Variants in DPP6 observed in about 807,000 individuals in gnomAD.
DPP6 encodes A-type potassium channel modulatory protein DPP6.
Under a neutral mutation model 122.6 loss-of-function variants are expected in DPP6, and 69 were observed. The observed-to-expected ratio is 0.56, with a 90% CI of 0.46 to 0.69. The LOEUF is 0.69. Among genes scored for constraint, DPP6 ranks in the 30% least tolerant of loss-of-function variants. The pLI, the probability that DPP6 is intolerant of heterozygous loss-of-function variation, is 0.00. For synonymous variants in DPP6, 418 were observed against 433.1 expected (o/e 0.97, Z 0.43); for missense variants, 928 against 1,116.9 (o/e 0.83, Z 2.41).
intron 1 of DPP6, among the ~76,000 whole-genome samples, chr7:153,929,233 A>C (rs573124190): frequency 4.4e-4 from 67 of 152,268 alleles, no homozygotes; most frequent in Non-Finnish European, 7.8e-4. Context: ...GTTCCTGCAC[A>C]CTAGGGAGGT....
chr7:153,952,353 G>A (rs1050648829), intron 1 of DPP6, among the ~76,000 whole-genome samples: 1 of 152,164 alleles, frequency 6.6e-6, no homozygotes, highest in Non-Finnish European at 1.5e-5. Context: ...TTAAACTAAG[G>A]CCAGAAAGAT....
the DPP6 span, among the ~76,000 whole-genome samples, chr7:153,790,534 A>G: frequency 2.6e-5 from 4 of 152,202 alleles, no homozygotes; most frequent in Non-Finnish European, 2.9e-5. Context: ...AAGACTTCAT[A>G]AGGTTTGCTG....
At chr7:154,599,397 G>T (rs772775428) in intron 5 of DPP6, among the ~76,000 whole-genome samples, 1 of 152,080 alleles carries the variant, frequency 6.6e-6, no homozygotes, top group Non-Finnish European at 1.5e-5. Flanking sequence ...TTTTTATATG[G>T]AGAAAACGTG....
chr7:154,211,048 C>T (rs905299239), intron 1 of DPP6, among the ~76,000 whole-genome samples: 1 of 152,182 alleles, frequency 6.6e-6, no homozygotes, highest in Non-Finnish European at 1.5e-5. Context: ...TGGATCCATC[C>T]AGCTGGCACA....
chr7:153,851,900 A>G, the DPP6 span, among the ~76,000 whole-genome samples: 99 of 152,332 alleles, frequency 6.5e-4, 2 homozygotes, highest in African/African-American at 2.2e-3. Flanking sequence ...TTTTACGTAT[A>G]TCAAATGGTA....
At chr7:154,736,615 A>T (rs766944311) in intron 8 of DPP6, among the ~76,000 whole-genome samples, 2 of 152,220 alleles carry the variant, frequency 1.3e-5, no homozygotes, top group African/African-American at 2.4e-5. Context: ...GGCTACTGAC[A>T]TCATGTCTGA....
At chr7:154,544,912 C>A (rs954471592) in intron 4 of DPP6, among the ~76,000 whole-genome samples, 1 of 152,128 alleles carries the variant, frequency 6.6e-6, no homozygotes, top group East Asian at 1.9e-4. Context: ...AGGATGCTGC[C>A]GCATGTGGGC....
intron 1 of DPP6, among the ~76,000 whole-genome samples, chr7:154,150,113 C>T (rs868377832): frequency 1.5e-4 from 23 of 152,178 alleles, no homozygotes; most frequent in Admixed American, 9.8e-4. Context: ...TATGATGTCA[C>T]CTTCACGAGG....
chr7:153,946,976 T>C (rs1376754744), intron 1 of DPP6, among the ~76,000 whole-genome samples: 4 of 152,124 alleles, frequency 2.6e-5, no homozygotes, highest in Non-Finnish European at 5.9e-5. Context: ...TGGCTAACGC[T>C]GCCATAAGCT....
the DPP6 span, among the ~76,000 whole-genome samples, chr7:153,824,044 C>T: frequency 2.0e-5 from 3 of 152,188 alleles, no homozygotes; most frequent in African/African-American, 7.2e-5. Flanking sequence ...GTACCATTGG[C>T]CAATCTCTGG....
chr7:154,323,049 C>G (rs1808113694), intron 1 of DPP6, among the ~76,000 whole-genome samples: 1 of 151,558 alleles, frequency 6.6e-6, no homozygotes. Context: ...AGAGAGTGAG[C>G]TCATTAGCCC....
intron 5 of DPP6, among the ~76,000 whole-genome samples, chr7:154,567,130 A>C (rs1057369699): frequency 1.3e-5 from 2 of 152,194 alleles, no homozygotes; most frequent in African/African-American, 4.8e-5. Context: ...CATACTTTAG[A>C]GGCTCTTTCA....
At chr7:154,127,631 A>ACACG (rs1490857492) in intron 1 of DPP6, among the ~76,000 whole-genome samples, 2 of 103,702 alleles carry the variant, frequency 1.9e-5, no homozygotes, top group African/African-American at 9.2e-5. Flanking sequence ...ACACACACAC[A>ACACG]CAGACACACA....
At chr7:154,137,658 T>TGGGGGGGGGGGGGGG (rs1163077821) in intron 1 of DPP6, among the ~76,000 whole-genome samples, 1 of 48,384 alleles carries the variant, frequency 2.1e-5, no homozygotes, top group Non-Finnish European at 4.2e-5. Context: ...GGTGGGGGGG[T>TGGGGGGGGGGGGGGG]GGGGGGGGTG....
intron 5 of DPP6, among the ~76,000 whole-genome samples, chr7:154,623,288 A>G (rs1309411434): frequency 1.3e-5 from 2 of 151,996 alleles, no homozygotes; most frequent in Non-Finnish European, 2.9e-5. Flanking sequence ...ATGCCCAGGG[A>G]ATATTTCTCT....
chr7:154,008,956 C>T (rs1368674028), intron 1 of DPP6, among the ~76,000 whole-genome samples: 3 of 147,206 alleles, frequency 2.0e-5, no homozygotes, highest in Non-Finnish European at 3.0e-5. Context: ...TGAGCCACCG[C>T]GCCCGGCCAG....
At chr7:154,591,318 C>A (rs1238276058) in intron 5 of DPP6, among the ~76,000 whole-genome samples, 1 of 152,206 alleles carries the variant, frequency 6.6e-6, no homozygotes, top group Non-Finnish European at 1.5e-5. Context: ...GGAGTCAAAT[C>A]ATGGGTCTAG....
At chr7:154,106,482 T>C (rs1027972045) in intron 1 of DPP6, among the ~76,000 whole-genome samples, 2 of 132,428 alleles carry the variant, frequency 1.5e-5, no homozygotes, top group African/African-American at 2.9e-5. Context: ...GTCCCTGCAC[T>C]GGGCTGCGTG....
intron 1 of DPP6, among the ~76,000 whole-genome samples, chr7:154,292,128 A>G (rs553690213): frequency 1.3e-5 from 2 of 152,316 alleles, no homozygotes; most frequent in East Asian, 1.9e-4. Context: ...AACCAGGTCA[A>G]TATAGAGATA....
Sources: allele counts gnomAD v4.1 joint callset (sites outside exome capture counted in the v4.1 genomes callset), GRCh38; gene constraint gnomAD v4.1.1; transcripts MANE v1.5; gene names NCBI Gene and HGNC (gene_info 2026-07-23, HGNC 2026-07-21).